Variants in HSPB8 observed in about 807,000 individuals in gnomAD.
The protein encoded by HSPB8 is heat shock protein family B (small) member 8.
In HSPB8, 9 loss-of-function variants were observed where a neutral mutation model predicts 16.5. The observed-to-expected ratio is 0.55, with a 90% CI of 0.33 to 0.95. HSPB8 has a LOEUF of 0.95. HSPB8 is among the 40% of genes least tolerant of loss of function. The pLI is 0.03. For synonymous variants in HSPB8, 99 were observed against 94.8 expected (o/e 1.04, Z -0.26); for missense variants, 238 against 251.2 (o/e 0.95, Z 0.35).
intron 2 of HSPB8, among the ~76,000 whole-genome samples, chr12:119,192,577 C>A (rs567038089): frequency 1.3e-5 from 2 of 151,978 alleles, no homozygotes; most frequent in Non-Finnish European, 2.9e-5. Context: ...ATTGCTTGAA[C>A]CTTGGGAGGC....
intron 2 of HSPB8, among the ~76,000 whole-genome samples, chr12:119,188,461 T>C (rs2136084248): frequency 1.3e-5 from 2 of 152,068 alleles, no homozygotes; most frequent in African/African-American, 4.8e-5. Context: ...TTGGCCAGCC[T>C]GGTCTTGATC....
At position 119,179,357 on chromosome 12, in the gene HSPB8, C is replaced by T. The variant is rs1565926943; in HGVS notation, c.45C>T (p.Arg15=). The stretch of plus-strand genomic sequence containing the variant: ...CCTTCTCCTGCCACTACCCAAGCCG[C>T]CTGCGCCGAGACCCCTTCCGGGACT... ...QMPFSCHYPS[R]LRRDPFRDSP... is the part of the protein sequence containing the mutation. The change falls in exon 1 of 3, where the codon CGC becomes CGT. Residue 15 remains arginine (R), a synonymous_variant. Coordinates refer to ENST00000281938, the MANE Select transcript of HSPB8 (RefSeq NM_014365.3). 3.1e-6 allele frequency: 5 copies of T among 1,614,178 alleles called. No individual in the cohort carries two copies. Among genetic ancestry groups the T allele is most frequent in the Non-Finnish European group, 4.2e-6 (5 of 1,180,040 alleles).
rs2136086693 is a variant in HSPB8, at chr12:119,194,477, T to C, written c.*619T>C. 2 of 161,052 alleles carry C rather than the reference T, an allele frequency of 1.2e-5. No homozygotes were observed. The highest frequency in any genetic ancestry group is 1.9e-4 in the East Asian group (1 of 5,402). The allele number at this position is 161,052 out of a possible 1,614,324, so 10.0% of individuals were successfully genotyped here. On this transcript the variant is annotated 3_prime_UTR_variant, in exon 3 of 3. Coordinates refer to ENST00000281938, the MANE Select transcript of HSPB8 (RefSeq NM_014365.3). ...CCACATTAGCACTCCCTAAGGACGCTGGGAGCCTGTCAGTTTATGATCTGA... is the reference window on the plus strand; with the variant it reads ...CCACATTAGCACTCCCTAAGGACGCCGGGAGCCTGTCAGTTTATGATCTGA...
At position 119,187,070 on chromosome 12, in the gene HSPB8, A is replaced by T; in HGVS notation, c.413A>T (p.Asn138Ile). The T allele has an allele frequency of 6.2e-7, 1 of 1,614,062 alleles. No homozygotes were observed. ...CAAGAAGGTGGCATTGTTTCTAAGA[A>T]CTTCACAAAGAAAATCCAGTAAGTA... The part of the protein sequence containing the change: ...KQQEGGIVSK[N>I]FTKKIQLPAE... The change falls in exon 2 of 3, where the codon AAC becomes ATC. Residue 138 changes from asparagine (N) to isoleucine (I), a missense_variant. Physicochemically the swap from Asn to Ile is moderately radical, Grantham distance 149. Transcript: ENST00000281938.
rs377690814 is a variant in HSPB8, at chr12:119,179,317, C to T, written c.5C>T (p.Ala2Val). M[A>V]DGQMPFSCHY... is the part of the protein sequence containing the mutation. ...TCTCTGAGCTGAGCAGCCACCATGG[C>T]TGACGGTCAGATGCCCTTCTCCTGC... is the stretch of plus-strand genomic sequence containing the variant. The change falls in exon 1 of 3, where the codon GCT becomes GTT. Residue 2 changes from alanine to valine, a missense_variant. Coordinates refer to ENST00000281938, the MANE Select transcript of HSPB8 (RefSeq NM_014365.3). The T allele has an allele frequency of 1.2e-6, 2 of 1,613,596 alleles. No individual in the cohort carries two copies. Among genetic ancestry groups the T allele is most frequent in the African/African-American group, 2.7e-5 (2 of 74,942 alleles).
At chr12:119,189,201 T>C (rs1363854228) in intron 2 of HSPB8, among the ~76,000 whole-genome samples, 2 of 151,934 alleles carry the variant, frequency 1.3e-5, no homozygotes, top group Admixed American at 1.3e-4. Context: ...GGGGGGAAGC[T>C]GATGTCAAGG....
At position 119,179,106 on chromosome 12, in the gene HSPB8, C is replaced by T. The variant is rs1397872559; in HGVS notation, c.-207C>T. ...CCCTCTGGGATTCTGCTGGATCTGC[C>T]CCGGGGGTTACCTTTGGGGGCTGGG... On this transcript the variant is annotated 5_prime_UTR_variant, in exon 1 of 3. Coordinates refer to ENST00000281938, the MANE Select transcript of HSPB8 (RefSeq NM_014365.3). 3.1e-6 allele frequency: 2 copies of T among 646,932 alleles called. No individual in the cohort carries two copies. Among genetic ancestry groups the T allele is most frequent in the African/African-American group, 3.6e-5 (2 of 55,990 alleles). 40.1% of individuals were successfully genotyped at this position (646,932 alleles called of 1,614,324 possible).
intron 1 of HSPB8, among the ~76,000 whole-genome samples, chr12:119,181,407 G>T (rs1217664261): frequency 1.3e-5 from 2 of 152,158 alleles, no homozygotes; most frequent in South Asian, 2.1e-4. Context: ...ACAAATGGTC[G>T]CATTCTTTTG....
intron 2 of HSPB8, among the ~76,000 whole-genome samples, chr12:119,192,523 T>C (rs897642212): frequency 2.6e-5 from 4 of 152,054 alleles, no homozygotes; most frequent in African/African-American, 7.2e-5. Context: ...GGCATGGTGG[T>C]GGGTGTCTGT....
chr12:119,183,577 T>C (rs2136082195), intron 1 of HSPB8, among the ~76,000 whole-genome samples: 1 of 152,340 alleles, frequency 6.6e-6, no homozygotes, highest in African/African-American at 2.4e-5. Context: ...TTTCTAAAAA[T>C]CATAATAATT....
Position 119,187,045 on chromosome 12 carries a change from C to G in HSPB8, c.388C>G (p.Gln130Glu), listed in dbSNP as rs372596104. Residue 130 changes from glutamine (Q) to glutamate (E), a missense_variant, in exon 2 of 3, where the codon CAA becomes GAA. Gln to Glu is a conservative substitution (Grantham distance 29, BLOSUM62 2). Coordinates refer to ENST00000281938, the MANE Select transcript of HSPB8 (RefSeq NM_014365.3). Reference sequence around the variant, plus strand: ...TCCAGGCAAACATGAAGAGAAACAGCAAGAAGGTGGCATTGTTTCTAAGAA... The same window carrying G: ...TCCAGGCAAACATGAAGAGAAACAGGAAGAAGGTGGCATTGTTTCTAAGAA... ...EVSGKHEEKQ[Q>E]EGGIVSKNFT... 2.4e-5 allele frequency: 39 copies of G among 1,614,088 alleles called. No homozygotes were observed. Among genetic ancestry groups the G allele is most frequent in the Non-Finnish European group, 3.3e-5 (39 of 1,179,998 alleles).
chr12:119,193,880 T>C lies in HSPB8; in HGVS notation c.*22T>C. On this transcript the variant is annotated 3_prime_UTR_variant, in exon 3 of 3. Transcript: ENST00000281938. ...CTGAGATGCCAGTACTGGCCCATCC[T>C]TGTTTTGTCCCCAACCCTAGGGCTT... 1 of 1,613,466 alleles carries C rather than the reference T, an allele frequency of 6.2e-7. No individual in the cohort carries two copies. The highest frequency in any genetic ancestry group is 8.5e-7 in the Non-Finnish European group (1 of 1,179,484).
At chr12:119,188,945 C>T (rs572347366) in intron 2 of HSPB8, among the ~76,000 whole-genome samples, 21 of 152,328 alleles carry the variant, frequency 1.4e-4, no homozygotes, top group Non-Finnish European at 2.5e-4. Flanking sequence ...ATCACACTAG[C>T]TGAATTCTGA....
intron 1 of HSPB8, among the ~76,000 whole-genome samples, chr12:119,183,615 GTCT>G (rs1954653693): frequency 6.6e-6 from 1 of 152,148 alleles, no homozygotes; most frequent in Non-Finnish European, 1.5e-5. Context: ...AAAATAAAAT[GTCT>G]TCATGATAAA....
chr12:119,182,361 G>A lies in HSPB8; in HGVS notation c.367+2682G>A, dbSNP rs911001720. Among the ~76,000 whole-genome samples the A allele has an allele frequency of 4.3e-4, 65 of 152,174 alleles. 3 individuals are homozygous for A. Among genetic ancestry groups the A allele is most frequent in the Admixed American group, 1.3e-4 (2 of 15,276 alleles). On this transcript the variant is annotated intron_variant, in intron 1 of 2. Transcript: ENST00000281938. ...CTATTTAAGAAGCAACTTTCGGGCC[G>A]GGTGCGGTGGCTCATGCCTGTAATC...
In HSPB8 at chr12:119,179,059, C is replaced by G. The variant is rs1005228743; in HGVS notation, c.-254C>G. Reference sequence around the variant, plus strand: ...GGAGGACGGTGGCTTGCCGGTCTGTCGTGAGGCAGTGCGGACGGGGACCCT... The same window carrying G: ...GGAGGACGGTGGCTTGCCGGTCTGTGGTGAGGCAGTGCGGACGGGGACCCT... On this transcript the variant is annotated 5_prime_UTR_variant, in exon 1 of 3. Coordinates refer to ENST00000281938, the MANE Select transcript of HSPB8 (RefSeq NM_014365.3). The G allele has an allele frequency of 8.8e-6, 5 of 569,460 alleles. No homozygotes were observed. The highest frequency in any genetic ancestry group is 1.6e-5 in the Non-Finnish European group (5 of 316,996). The allele number at this position is 569,460 out of a possible 1,614,324, so 35.3% of individuals were successfully genotyped here.
At position 119,186,862 on chromosome 12, in the gene HSPB8, T is replaced by C. The variant is rs1006226568; in HGVS notation, c.368-163T>C. ...TTGGAAGTGGACTTAGGTGGGTCTG[T>C]ATGGCAGACAAGGTCCTTGAGGCTT... On this transcript the variant is annotated intron_variant, in intron 1 of 2. Coordinates refer to ENST00000281938, the MANE Select transcript of HSPB8 (RefSeq NM_014365.3). The C allele has an allele frequency of 1.3e-5, 9 of 707,234 alleles. No individual in the cohort carries two copies. In the African/African-American group the frequency reaches 1.6e-4, roughly 12 times the overall value. 43.8% of individuals were successfully genotyped at this position (707,234 alleles called of 1,614,324 possible).
At chr12:119,187,232 G>A (rs955407466) in intron 2 of HSPB8, 144 bp downstream of exon 2, 5 of 711,330 alleles carry the variant, frequency 7.0e-6, no homozygotes, top group Admixed American at 4.1e-5. Flanking sequence ...CACACCTAAC[G>A]AGGAGAAAAT....
In HSPB8 at chr12:119,179,623, G is replaced by A. The variant is rs1036182864; in HGVS notation, c.311G>A (p.Ser104Asn). Residue 104 changes from serine (S) to asparagine (N), a missense_variant, in exon 1 of 3, where the codon AGC (serine) becomes AAC (asparagine). Transcript: ENST00000281938. ...EPWKVCVNVH[S>N]FKPEELMVKT... The stretch of plus-strand genomic sequence containing the variant: ...TGGAAAGTGTGTGTGAATGTGCACA[G>A]CTTCAAGCCAGAGGAGTTGATGGTG... 3.7e-6 allele frequency: 6 copies of A among 1,601,242 alleles called. No homozygotes were observed. In the African/African-American group the frequency reaches 8.1e-5, roughly 22 times the overall value.
Sources: allele counts gnomAD v4.1 joint callset (sites outside exome capture counted in the v4.1 genomes callset), GRCh38; gene constraint gnomAD v4.1.1; transcripts MANE v1.5; gene names NCBI Gene and HGNC (gene_info 2026-07-23, HGNC 2026-07-21).